The following WDR49 variants were observed in gnomAD, a reference collection of about 807,000 sequenced individuals.
WDR49 encodes WD repeat domain 49.
A neutral mutation model predicts 119.5 loss-of-function variants in WDR49; 107 were observed. That is an observed-to-expected ratio of 0.90 (90% CI 0.77 to 1.05). The LOEUF (loss-of-function observed/expected upper bound fraction) is 1.05, where lower values mean the gene tolerates loss of function less well. WDR49 is among the 50% of genes least tolerant of loss of function. The pLI is 0.00. For missense variants in WDR49, 1,240 were observed against 1,220.5 expected (o/e 1.02, Z -0.24); for synonymous variants, 425 against 418.8 (o/e 1.01, Z -0.18).
intron 2 of WDR49, among the ~76,000 whole-genome samples, chr3:167,632,797 T>C (rs1717432040): frequency 6.6e-6 from 1 of 152,004 alleles, no homozygotes; most frequent in South Asian, 2.1e-4. Flanking sequence ...CTACTATATA[T>C]ATCATACACT....
At chr3:167,648,071 T>C (rs796936494) in intron 2 of WDR49, among the ~76,000 whole-genome samples, 3 of 152,308 alleles carry the variant, frequency 2.0e-5, no homozygotes, top group African/African-American at 7.2e-5. Context: ...ATGCCATATA[T>C]GGACTCCAAA....
At chr3:167,562,716 TAA>T (rs1713340066) in intron 8 of WDR49, among the ~76,000 whole-genome samples, 1 of 152,216 alleles carries the variant, frequency 6.6e-6, no homozygotes, top group Non-Finnish European at 1.5e-5. Flanking sequence ...TCAGGATGCC[TAA>T]GTTTGAATGT....
rs79557552 is a variant in WDR49 at position 167,623,603 on chromosome 3, G to A, written c.607-1960C>T. Among the ~76,000 whole-genome samples, 826 of 111,658 alleles carry A rather than the reference G, an allele frequency of 7.4e-3. 8 individuals carry two copies. The highest frequency in any genetic ancestry group is 0.026 in the African/African-American group (683 of 26,554). 73.3% of individuals were successfully genotyped at this position (111,658 alleles called of 152,430 possible). Reference sequence around the variant, plus strand: ...TCCTACAGCTGACATCATACATATCGGTGAAAAAATAAATACATTCCCCAT... The same window carrying A: ...TCCTACAGCTGACATCATACATATCAGTGAAAAAATAAATACATTCCCCAT... On this transcript the variant is annotated intron_variant, in intron 3 of 18. Coordinates refer to ENST00000682715, the MANE Select transcript of WDR49 (RefSeq NM_001366157.1).
chr3:167,550,778 T>TTTTGA lies in WDR49; in HGVS notation c.1823+3871_1823+3872insTCAAA, dbSNP rs772794375. 5.2e-3 allele frequency among the ~76,000 whole-genome samples: 750 copies of TTTTGA among 143,988 alleles called. 9 individuals are homozygous for TTTTGA. Among genetic ancestry groups the TTTTGA allele is most frequent in the African/African-American group, 0.018 (709 of 39,056 alleles). The allele number at this position is 143,988 out of a possible 152,430, so 94.5% of individuals were successfully genotyped here. A position where few individuals can be genotyped will look rare whatever the true frequency, so the allele number is the denominator to read the frequency against. On this transcript the variant is annotated intron_variant, in intron 10 of 18. Transcript: ENST00000682715. Reference sequence around the variant, plus strand: ...GAACTAGGAGGTTTTTTTTTTTTTTTGAGAGAGAGAGAGAGAGAGAGCTTT... The same window carrying TTTTGA: ...GAACTAGGAGGTTTTTTTTTTTTTTTTTTGAGAGAGAGAGAGAGAGAGAGAGCTTT...
At chr3:167,598,020 G>A (rs1053052494) in intron 7 of WDR49, among the ~76,000 whole-genome samples, 1 of 152,042 alleles carries the variant, frequency 6.6e-6, no homozygotes, top group South Asian at 2.1e-4. Flanking sequence ...AATGTGAGAA[G>A]GTTGGGCTGG....
intron 2 of WDR49, among the ~76,000 whole-genome samples, chr3:167,631,655 A>T (rs1029401480): frequency 3.3e-5 from 5 of 152,098 alleles, no homozygotes; most frequent in African/African-American, 9.7e-5. Context: ...CATCGAAGCG[A>T]GAGTCAGGCC....
chr3:167,576,265 T>C (rs1005724519), intron 7 of WDR49, 114 bp from the exon 8 acceptor site: 3 of 793,416 alleles, frequency 3.8e-6, no homozygotes, highest in South Asian at 1.8e-5. Flanking sequence ...TCCTCCACAG[T>C]GCTATAATTG....
intron 16 of WDR49, among the ~76,000 whole-genome samples, chr3:167,507,549 G>T (rs549647631): frequency 6.4e-4 from 98 of 152,288 alleles, no homozygotes; most frequent in African/African-American, 2.2e-3. Context: ...ATGTGCAAAA[G>T]ATTGAGGGGG....
chr3:167,546,097 G>C (rs1029064716), intron 10 of WDR49, among the ~76,000 whole-genome samples: 1 of 151,818 alleles, frequency 6.6e-6, no homozygotes, highest in African/African-American at 2.4e-5. Flanking sequence ...GGCAGTGGGA[G>C]AGAGAAGGTC....
At chr3:167,521,082 C>T (rs1752416593) in intron 16 of WDR49, among the ~76,000 whole-genome samples, 2 of 151,982 alleles carry the variant, frequency 1.3e-5, no homozygotes, top group African/African-American at 4.8e-5. Flanking sequence ...CCTGGAGTTG[C>T]AGGGAGCAGT....
intron 16 of WDR49, among the ~76,000 whole-genome samples, chr3:167,517,486 G>A (rs987963761): frequency 3.3e-5 from 5 of 152,158 alleles, no homozygotes; most frequent in Middle Eastern, 3.4e-3. Context: ...AATTGAAACC[G>A]GTCTCCTTCC....
intron 16 of WDR49, among the ~76,000 whole-genome samples, chr3:167,514,779 A>T (rs912955111): frequency 1.3e-5 from 2 of 152,124 alleles, no homozygotes; most frequent in Non-Finnish European, 2.9e-5. Context: ...AATCAAATAG[A>T]CACAATAAAA....
intron 5 of WDR49, among the ~76,000 whole-genome samples, chr3:167,617,630 G>A (rs995484361): frequency 3.9e-5 from 6 of 152,062 alleles, no homozygotes; most frequent in African/African-American, 9.7e-5. Context: ...ATCCTCCTCC[G>A]GAGGAGAAGA....
intron 11 of WDR49, among the ~76,000 whole-genome samples, chr3:167,534,227 C>T (rs1375751314): frequency 6.6e-6 from 1 of 151,956 alleles, no homozygotes; most frequent in East Asian, 1.9e-4. Context: ...AGCACAATCT[C>T]TGAAGCTCAC....
At chr3:167,519,342 G>T (rs1029322788) in intron 16 of WDR49, among the ~76,000 whole-genome samples, 1 of 152,088 alleles carries the variant, frequency 6.6e-6, no homozygotes, top group South Asian at 2.1e-4. Flanking sequence ...GCACACATAC[G>T]TTCATTACAG....
intron 12 of WDR49, among the ~76,000 whole-genome samples, chr3:167,531,589 G>A (rs558577428): frequency 8.1e-4 from 123 of 152,184 alleles, no homozygotes; most frequent in African/African-American, 2.8e-3. Context: ...CAGGACAAAC[G>A]TAATTCCAAT....
chr3:167,495,259 G>C (rs1396605767), intron 18 of WDR49, among the ~76,000 whole-genome samples: 1 of 151,706 alleles, frequency 6.6e-6, no homozygotes, highest in African/African-American at 2.4e-5. Context: ...AAAACAGAGG[G>C]AAAAGATGAA....
chr3:167,574,803 G>A (rs1714144639), intron 8 of WDR49, among the ~76,000 whole-genome samples: 1 of 152,084 alleles, frequency 6.6e-6, no homozygotes, highest in Admixed American at 6.5e-5. Flanking sequence ...ATGTTCTCTT[G>A]GAAGCAAATA....
chr3:167,644,922 T>G (rs1191426805), intron 2 of WDR49, among the ~76,000 whole-genome samples: 1 of 152,144 alleles, frequency 6.6e-6, no homozygotes, highest in Non-Finnish European at 1.5e-5. Context: ...TTAACAAGTT[T>G]GGGTGCCTTT....
Sources: gnomAD v4.1 joint callset for allele counts (sites outside exome capture counted in the v4.1 genomes callset) on GRCh38, gnomAD v4.1.1 for gene constraint, MANE v1.5 for transcripts, NCBI Gene and HGNC (gene_info 2026-07-23, HGNC 2026-07-21) for gene names.